The following SLC30A9 variants were observed in gnomAD, a reference collection of about 807,000 sequenced individuals.
The protein encoded by SLC30A9 is solute carrier family 30 member 9, also known as proton-coupled zinc antiporter SLC30A9, mitochondrial.
Under a neutral mutation model 87.5 loss-of-function variants are expected in SLC30A9, and 58 were observed. The ratio of observed to expected loss-of-function variants is 0.66; its 90% confidence interval spans 0.54 to 0.82. The LOEUF (loss-of-function observed/expected upper bound fraction) is 0.82, where lower values mean the gene tolerates loss of function less well. SLC30A9 is among the 40% of genes least tolerant of loss of function. The probability of loss-of-function intolerance (pLI) is 0.00; values close to 1 mark genes in which losing one functional copy is unlikely to be tolerated. For missense variants in SLC30A9, 557 were observed against 679.1 expected (o/e 0.82, Z 2.00); for synonymous variants, 234 against 233.0 (o/e 1.00, Z -0.04).
chr4:42,027,311 G>A (rs1038494686), intron 6 of SLC30A9, among the ~76,000 whole-genome samples: 15 of 152,198 alleles, frequency 9.9e-5, no homozygotes, highest in African/African-American at 3.6e-4. Flanking sequence ...CATATTGTCT[G>A]TGGCTGCCTT....
chr4:42,029,681 G>A (rs886141086), intron 6 of SLC30A9: 6 of 752,618 alleles, frequency 8.0e-6, no homozygotes, highest in African/African-American at 1.7e-5. Context: ...TTGAGTGGCT[G>A]GGAAATTGCT....
intron 2 of SLC30A9, among the ~76,000 whole-genome samples, chr4:42,007,135 A>T (rs1415175705): frequency 6.6e-6 from 1 of 152,124 alleles, no homozygotes; most frequent in Admixed American, 6.5e-5. Flanking sequence ...GAGTAGGGTA[A>T]TAATAATGCT....
At chr4:42,059,685 T>G (rs1422560294) in intron 9 of SLC30A9, among the ~76,000 whole-genome samples, 2 of 152,162 alleles carry the variant, frequency 1.3e-5, no homozygotes, top group Non-Finnish European at 2.9e-5. Context: ...TAATTCTGCC[T>G]CTCTTCAGAG....
chr4:42,053,757 G>GA (rs1717485991), intron 9 of SLC30A9, among the ~76,000 whole-genome samples: 1 of 139,156 alleles, frequency 7.2e-6, no homozygotes, highest in East Asian at 2.1e-4. Flanking sequence ...TATAATGGCT[G>GA]AAAAAATTGG....
intron 15 of SLC30A9, among the ~76,000 whole-genome samples, chr4:42,075,032 TATATATATATATATATATATATATA>T (rs1372205399): frequency 0.014 from 88 of 6,240 alleles, 1 homozygote; most frequent in Non-Finnish European, 0.024. Flanking sequence ...TATATATATA[TATATATATATATATATATATATATA>T]TATTTTTTTT....
intron 8 of SLC30A9, among the ~76,000 whole-genome samples, chr4:42,049,103 A>G (rs1717283551): frequency 6.6e-6 from 1 of 152,084 alleles, no homozygotes; most frequent in Non-Finnish European, 1.5e-5. Context: ...CTGGGACTAA[A>G]GGCGTGCACT....
chr4:41,994,896 A>G (rs1316065115), intron 1 of SLC30A9, among the ~76,000 whole-genome samples: 1 of 145,592 alleles, frequency 6.9e-6, no homozygotes, highest in Admixed American at 6.9e-5. Context: ...GTTGGGGAGG[A>G]GGAGGGACCT....
chr4:42,051,122 C>T (rs1466142290), intron 9 of SLC30A9, among the ~76,000 whole-genome samples: 2 of 152,172 alleles, frequency 1.3e-5, no homozygotes, highest in Admixed American at 1.3e-4. Flanking sequence ...CATTCAGGTT[C>T]TGACTAGCTG....
chr4:42,038,343 C>T (rs2153137336), intron 7 of SLC30A9, among the ~76,000 whole-genome samples: 1 of 151,972 alleles, frequency 6.6e-6, no homozygotes, highest in African/African-American at 2.4e-5. Flanking sequence ...CTGTTTTGCC[C>T]CTCCCATGAG....
chr4:42,044,825 C>T (rs1222107619), intron 8 of SLC30A9, among the ~76,000 whole-genome samples: 1 of 152,148 alleles, frequency 6.6e-6, no homozygotes, highest in Non-Finnish European at 1.5e-5. Flanking sequence ...GTAAAACACT[C>T]CTCAGCAAAT....
intron 2 of SLC30A9, among the ~76,000 whole-genome samples, chr4:42,011,409 C>T (rs139235560): frequency 4.8e-4 from 73 of 152,228 alleles, no homozygotes; most frequent in African/African-American, 1.7e-3. Context: ...GATGGGGACA[C>T]AGAGCCAAAC....
chr4:42,023,443 T>A, intron 6 of SLC30A9, 59 bp downstream of exon 6: 1 of 1,109,678 alleles, frequency 9.0e-7, no homozygotes, highest in Non-Finnish European at 1.4e-6. Flanking sequence ...ATGAGAACTG[T>A]ATCTGTAAGA....
At chr4:41,994,401 A>T (rs1714601485) in intron 1 of SLC30A9, among the ~76,000 whole-genome samples, 1 of 151,876 alleles carries the variant, frequency 6.6e-6, no homozygotes, top group Non-Finnish European at 1.5e-5. Flanking sequence ...TCTTTGGGTT[A>T]GGATAGAGCA....
At position 42,049,360 on chromosome 4, in the gene SLC30A9, T is replaced by C; in HGVS notation, c.738-17T>C. On this transcript the variant is annotated splice_polypyrimidine_tract_variant and intron_variant, in intron 8 of 17. Coordinates refer to ENST00000264451, the MANE Select transcript of SLC30A9 (RefSeq NM_006345.4). ...TTGTCCAAACCTATGCTAAATTGTT[T>C]TCTCTTTCTCTTCTAGCAATGGATT... 1 of 1,547,354 alleles carries C rather than the reference T, an allele frequency of 6.5e-7. No individual in the cohort carries two copies. Among genetic ancestry groups the C allele is most frequent in the South Asian group, 1.2e-5 (1 of 86,480 alleles).
intron 8 of SLC30A9, among the ~76,000 whole-genome samples, 182 bp downstream of exon 8, chr4:42,039,235 A>G (rs1716814727): frequency 6.6e-6 from 1 of 152,072 alleles, no homozygotes; most frequent in African/African-American, 2.4e-5. Context: ...GCATGAATTC[A>G]TATAGATAAC....
chr4:42,070,642 G>T lies in SLC30A9; in HGVS notation c.1369G>T (p.Glu457Ter). 6.2e-7 allele frequency: 1 copy of T among 1,613,992 alleles called. No homozygotes were observed. Among genetic ancestry groups the T allele is most frequent in the Non-Finnish European group, 8.5e-7 (1 of 1,179,932 alleles). Residue 457 changes from glutamate (E) to a stop codon, truncating the protein, a stop_gained, in exon 15 of 18, where the codon GAA (glutamate) becomes TAA (stop). Coordinates refer to ENST00000264451, the MANE Select transcript of SLC30A9 (RefSeq NM_006345.4). LOFTEE classifies it high-confidence loss of function. ...EALLGRSIQP[E>*]QVQRLTELLE... ...ACTCTTAGGGCGGTCCATCCAGCCA[G>T]AACAAGTACAACGGCTCACTGAACT...
intron 17 of SLC30A9, among the ~76,000 whole-genome samples, chr4:42,079,643 T>C (rs866561995): frequency 6.7e-6 from 1 of 149,618 alleles, no homozygotes; most frequent in Non-Finnish European, 1.5e-5. Flanking sequence ...AGTCTCGCAC[T>C]GTCACCCGTG....
intron 6 of SLC30A9, among the ~76,000 whole-genome samples, chr4:42,033,808 C>T (rs979383846): frequency 1.3e-5 from 2 of 152,182 alleles, no homozygotes; most frequent in African/African-American, 4.8e-5. Flanking sequence ...ATGATCTGAC[C>T]TTGTGATCCA....
intron 8 of SLC30A9, 129 bp from the exon 9 acceptor site, chr4:42,049,248 G>A (rs1384209200): frequency 3.7e-6 from 2 of 542,330 alleles, no homozygotes; most frequent in East Asian, 2.9e-5. Flanking sequence ...TTATAGGTGT[G>A]AGCCATTGTG....
Sources: gnomAD v4.1 joint callset for allele counts (sites outside exome capture counted in the v4.1 genomes callset) on GRCh38, gnomAD v4.1.1 for gene constraint, MANE v1.5 for transcripts, NCBI Gene and HGNC (gene_info 2026-07-23, HGNC 2026-07-21) for gene names.